The following RUSC2 variants were observed in gnomAD, a reference collection of about 807,000 sequenced individuals.
RUSC2 encodes AP-4 complex accessory subunit RUSC2.
In RUSC2, 34 loss-of-function variants were observed where a neutral mutation model predicts 122.2. The ratio of observed to expected loss-of-function variants is 0.28; its 90% CI spans 0.21 to 0.37. RUSC2 has a LOEUF of 0.37. RUSC2 is among the 10% of genes least tolerant of loss of function. RUSC2 has a pLI of 1.00. For missense variants in RUSC2, 1,747 were observed against 1,952.4 expected (o/e 0.89, Z 1.98); for synonymous variants, 784 against 790.0 (o/e 0.99, Z 0.13).
chr9:35,542,506 G>A (rs1290007625), intron 1 of RUSC2, among the ~76,000 whole-genome samples: 1 of 152,298 alleles, frequency 6.6e-6, no homozygotes, highest in East Asian at 1.9e-4. Flanking sequence ...GCCACAGGCT[G>A]AGAGAAAATA....
chr9:35,534,919 A>G (rs1001088785), intron 1 of RUSC2, among the ~76,000 whole-genome samples: 1 of 151,880 alleles, frequency 6.6e-6, no homozygotes, highest in African/African-American at 2.4e-5. Flanking sequence ...TCTTTTGACT[A>G]TCTTGATTGT....
chr9:35,555,986 G>T lies in RUSC2; in HGVS notation c.2691G>T (p.Arg897=). The T allele has an allele frequency of 1.2e-6, 2 of 1,614,230 alleles. No individual in the cohort carries two copies. The highest frequency in any genetic ancestry group is 1.7e-6 in the Non-Finnish European group (2 of 1,180,014). The part of the protein sequence containing the change: ...NHLSPQALKW[R]EYRRKNPLGP... Reference sequence around the variant, plus strand: ...TATCCCCTCAAGCCCTCAAGTGGCGGGAATACAGGAGGAAGAACCCACTAG... The same window carrying T: ...TATCCCCTCAAGCCCTCAAGTGGCGTGAATACAGGAGGAAGAACCCACTAG... The change falls in exon 4 of 12, where the codon CGG becomes CGT. Residue 897 remains arginine, a synonymous_variant. Transcript: ENST00000361226. This position sits in a 1 kb window ranked among gnomAD's most constrained non-coding sequence, Gnocchi z 4.6.
At chr9:35,497,923 G>T (rs1364897161) in intron 1 of RUSC2, among the ~76,000 whole-genome samples, 3 of 152,110 alleles carry the variant, frequency 2.0e-5, no homozygotes, top group African/African-American at 7.2e-5. Context: ...AACTGCCATA[G>T]GAAAATTATA....
At position 35,560,335 on chromosome 9, in the gene RUSC2, T is replaced by C. The variant is rs1563876434; in HGVS notation, c.3695T>C (p.Val1232Ala). 3.7e-6 allele frequency: 6 copies of C among 1,609,308 alleles called. No individual in the cohort carries two copies. The highest frequency in any genetic ancestry group is 3.3e-5 in the Admixed American group (2 of 59,810). ...RAAQGERVKG[V>A]GASEGGEEEE... ...GCCCAAGGGGAGCGGGTGAAGGGTG[T>C]GGGTGCCTCAGAAGGTGGAGAAGAG... The change falls in exon 10 of 12, where the codon GTG (valine) becomes GCG (alanine). Residue 1232 changes from valine to alanine, a missense_variant. By Grantham distance (64) the Val-to-Ala change is moderately conservative. Transcript: ENST00000361226.
In RUSC2 at chr9:35,547,250, C is replaced by G; in HGVS notation, c.729C>G (p.Ser243=). Residue 243 remains serine, a synonymous_variant, in exon 2 of 12, where the codon TCC becomes TCG. Coordinates refer to ENST00000361226, the MANE Select transcript of RUSC2 (RefSeq NM_014806.5). The surrounding 1 kb of genome is among the most constrained non-coding windows in gnomAD (Gnocchi z 4.6). ...AATCCCCAAGGAACCCTGGATGCTC[C>G]GGCTCAGGGGACCAGCACTGCCGCT... ...SDESPRNPGC[S]GSGDQHCRCS... The G allele has an allele frequency of 6.2e-7, 1 of 1,614,162 alleles. No individual in the cohort carries two copies. The highest frequency in any genetic ancestry group is 1.1e-5 in the South Asian group (1 of 91,082).
intron 2 of RUSC2, among the ~76,000 whole-genome samples, chr9:35,551,078 GA>G (rs973223730): frequency 2.6e-5 from 4 of 151,968 alleles, no homozygotes; most frequent in Non-Finnish European, 5.9e-5. Context: ...CAAAAAAAAA[GA>G]AAAACCAGGA....
chr9:35,507,426 A>G (rs1033097374), intron 1 of RUSC2: 3 of 152,190 alleles, frequency 2.0e-5, no homozygotes, highest in Non-Finnish European at 4.4e-5. Context: ...TAAAACCCCA[A>G]CCCTGAATGA....
At chr9:35,522,597 A>C (rs991701303) in intron 1 of RUSC2, among the ~76,000 whole-genome samples, 1 of 152,244 alleles carries the variant, frequency 6.6e-6, no homozygotes, top group African/African-American at 2.4e-5. Context: ...AACATCCAGC[A>C]TAGCTCCTTA....
chr9:35,555,496 G>T lies in RUSC2; in HGVS notation c.2451G>T (p.Trp817Cys). 6.2e-7 allele frequency: 1 copy of T among 1,614,176 alleles called. No individual in the cohort carries two copies. Among genetic ancestry groups the T allele is most frequent in the Non-Finnish European group, 8.5e-7 (1 of 1,180,020 alleles). ...CAGCCACAGAAAGCCTGCCCCCATG[G>T]AGCCACTCCTGTCCTTCTGCTGTCC... Reference protein sequence around the residue: ...QPTATESLPPWSHSCPSAVRP... With the variant: ...QPTATESLPPCSHSCPSAVRP... Residue 817 changes from tryptophan to cysteine, a missense_variant, in exon 3 of 12, where the codon TGG becomes TGT. Physicochemically the swap from Trp to Cys is radical, Grantham distance 215. Coordinates refer to ENST00000361226, the MANE Select transcript of RUSC2 (RefSeq NM_014806.5). This position sits in a 1 kb window ranked among gnomAD's most constrained non-coding sequence, Gnocchi z 4.6.
chr9:35,549,869 G>T (rs749869349), intron 2 of RUSC2, among the ~76,000 whole-genome samples: 2 of 151,826 alleles, frequency 1.3e-5, no homozygotes, highest in African/African-American at 2.4e-5. Flanking sequence ...GTTTTGATTT[G>T]CATTTAGAAA....
intron 1 of RUSC2, among the ~76,000 whole-genome samples, chr9:35,528,915 C>T (rs1033687895): frequency 9.2e-5 from 14 of 151,574 alleles, no homozygotes; most frequent in African/African-American, 3.4e-4. Flanking sequence ...ATGAGACCCC[C>T]ATCTTTAAAA....
chr9:35,543,107 GAAAGGAGAAACCCCCTC>G (rs1458365120), intron 1 of RUSC2, among the ~76,000 whole-genome samples: 1 of 152,094 alleles, frequency 6.6e-6, no homozygotes, highest in Non-Finnish European at 1.5e-5. Context: ...AGTTATGTAT[GAAAGGAGAAACCCCCTC>G]AAAGAAAAAA....
chr9:35,561,830 G>A lies in RUSC2; in HGVS notation c.*448G>A, dbSNP rs899751681. The A allele has an allele frequency of 3.0e-5, 18 of 600,752 alleles. No individual in the cohort carries two copies. The highest frequency in any genetic ancestry group is 1.1e-4 in the African/African-American group (6 of 54,206). The allele number at this position is 600,752 out of a possible 1,614,324, so 37.2% of individuals were successfully genotyped here. A position where few individuals can be genotyped will look rare whatever the true frequency, so the allele number is the denominator to read the frequency against. ...CAGAAGAGGGAGGAGGAGCCCAGGC[G>A]TCTGTTTATGTATTTATTTATTTAT... On this transcript the variant is annotated 3_prime_UTR_variant, in exon 12 of 12. Coordinates refer to ENST00000361226, the MANE Select transcript of RUSC2 (RefSeq NM_014806.5).
chr9:35,552,312 G>A (rs1821916243), intron 2 of RUSC2, among the ~76,000 whole-genome samples: 1 of 152,176 alleles, frequency 6.6e-6, no homozygotes, highest in Non-Finnish European at 1.5e-5. Flanking sequence ...AGTAAGCTGA[G>A]ATCACGCCAC....
Position 35,547,896 on chromosome 9 carries a change from G to A in RUSC2, c.1375G>A (p.Glu459Lys), listed in dbSNP as rs774450866. 1.2e-6 allele frequency: 2 copies of A among 1,614,094 alleles called. No individual in the cohort carries two copies. The highest frequency in any genetic ancestry group is 2.2e-5 in the South Asian group (2 of 91,084). The part of the protein sequence containing the change: ...QKPEVQPEEQ[E>K]AVSSSTQAAA... Reference sequence around the variant, plus strand: ...GCCAGAAGTCCAGCCAGAGGAACAAGAAGCAGTGAGTTCCTCCACCCAAGC... The same window carrying A: ...GCCAGAAGTCCAGCCAGAGGAACAAAAAGCAGTGAGTTCCTCCACCCAAGC... The change falls in exon 2 of 12, where the codon GAA becomes AAA. Residue 459 changes from glutamate (E) to lysine (K), a missense_variant. Coordinates refer to ENST00000361226, the MANE Select transcript of RUSC2 (RefSeq NM_014806.5). The surrounding 1 kb of genome is among the most constrained non-coding windows in gnomAD (Gnocchi z 4.6).
intron 1 of RUSC2, among the ~76,000 whole-genome samples, chr9:35,515,660 TAG>T (rs1480863544): frequency 6.6e-6 from 1 of 152,086 alleles, no homozygotes; most frequent in East Asian, 1.9e-4. Flanking sequence ...AACTGTAAAA[TAG>T]AGATAATAAT....
chr9:35,513,916 A>G (rs951407513), intron 1 of RUSC2, among the ~76,000 whole-genome samples: 1 of 142,866 alleles, frequency 7.0e-6, no homozygotes, highest in African/African-American at 2.6e-5. Context: ...ATATATATAT[A>G]TATATATATA....
intron 1 of RUSC2, among the ~76,000 whole-genome samples, chr9:35,542,788 C>G (rs954086628): frequency 6.6e-6 from 1 of 152,188 alleles, no homozygotes; most frequent in Non-Finnish European, 1.5e-5. Context: ...TCATCTCCCA[C>G]GCTCATGTGT....
chr9:35,560,495 C>T lies in RUSC2; in HGVS notation c.3855C>T (p.Ser1285=). Residue 1285 remains serine, a synonymous_variant, in exon 10 of 12, where the codon TCC becomes TCT. Transcript: ENST00000361226. ...MQSSQVYIDG[S]IEGSRFPRGS... Reference sequence around the variant, plus strand: ...GCTCCCAGGTCTACATCGATGGCTCCATTGAGGGTTCCAGGTTCCCTCGTG... The same window carrying T: ...GCTCCCAGGTCTACATCGATGGCTCTATTGAGGGTTCCAGGTTCCCTCGTG... 6.2e-7 allele frequency: 1 copy of T among 1,614,216 alleles called. No individual in the cohort carries two copies.
Sources: gnomAD v4.1 joint callset for allele counts (sites outside exome capture counted in the v4.1 genomes callset) on GRCh38, gnomAD v4.1.1 for gene constraint, Gnocchi (gnomAD v3.1) non-coding constraint, MANE v1.5 for transcripts, NCBI Gene and HGNC (gene_info 2026-07-23, HGNC 2026-07-21) for gene names.